LMO3: variants seen among roughly 807,000 people sequenced by gnomAD.
The protein encoded by LMO3 is LIM domain only 3, also known as LIM domain only protein 3.
LMO3 carries 2 observed loss-of-function variants against 15.8 expected under a neutral mutation model. The observed-to-expected ratio is 0.13, with a 90% CI of 0.05 to 0.40. The LOEUF is 0.40. Ranked by LOEUF, LMO3 falls within the 10% of genes least tolerant of loss-of-function variation. The pLI is 0.99. For missense variants in LMO3, 86 were observed against 182.2 expected, an observed-to-expected ratio of 0.47 and a Z score of 3.04; for synonymous variants, 62 against 63.8, an observed-to-expected ratio of 0.97 and a Z score of 0.13.
chr12:16,609,521 G>T (rs1312220934), upstream of LMO3, among the ~76,000 whole-genome samples: 3 of 152,018 alleles, frequency 2.0e-5, no homozygotes, highest in South Asian at 6.2e-4. Flanking sequence ...CCTTTTGCCT[G>T]TGCCCTCTTT....
rs1943276911 is a variant in LMO3, at chr12:16,585,128, T to C, written c.206+15527A>G. Among the ~76,000 whole-genome samples the C allele has an allele frequency of 6.6e-6, 1 of 152,110 alleles. No individual in the cohort carries two copies. The highest frequency in any genetic ancestry group is 1.5e-5 in the Non-Finnish European group (1 of 68,034). On this transcript the variant is annotated intron_variant, in intron 2 of 3. Coordinates refer to ENST00000537304, the MANE Select transcript of LMO3 (RefSeq NM_018640.5). This position sits in a 1 kb window ranked among gnomAD's most constrained non-coding sequence, Gnocchi z 4.7. The stretch of plus-strand genomic sequence containing the variant: ...AGTGTGCTGGAATTAAGTCATGGCT[T>C]CCCCCTTTGGGTGGCGCATGCAAGC...
chr12:16,600,964 G>C (rs546723057), intron 1 of LMO3, 96 bp from the exon 2 acceptor site: 4 of 930,236 alleles, frequency 4.3e-6, no homozygotes, highest in Admixed American at 2.7e-5. Context: ...CTTATTCTAG[G>C]AGTGTTAGCT....
chr12:16,581,891 A>G (rs1208818560), intron 2 of LMO3, among the ~76,000 whole-genome samples: 1 of 152,060 alleles, frequency 6.6e-6, no homozygotes, highest in African/African-American at 2.4e-5. Flanking sequence ...TTACTTTTTT[A>G]TTTAGCTGCT....
chr12:16,578,522 TA>T (rs1218017654), intron 2 of LMO3, among the ~76,000 whole-genome samples: 1 of 151,954 alleles, frequency 6.6e-6, no homozygotes, highest in African/African-American at 2.4e-5. Context: ...AGTATTAAAA[TA>T]AAAATCACAT....
At chr12:16,594,196 G>A in intron 2 of LMO3, 2 of 1,532,742 alleles carry the variant, frequency 1.3e-6, no homozygotes, top group Non-Finnish European at 1.7e-6. Context: ...GCCATTCTAA[G>A]GTTACACAGA....
At chr12:16,575,137 AAACTT>A (rs1249111504) in intron 2 of LMO3, among the ~76,000 whole-genome samples, 3 of 152,238 alleles carry the variant, frequency 2.0e-5, no homozygotes, top group African/African-American at 4.8e-5. Context: ...GTTATAATCT[AAACTT>A]AACATTATGA....
intron 2 of LMO3, among the ~76,000 whole-genome samples, chr12:16,580,093 C>A (rs886785628): frequency 8.5e-5 from 13 of 152,148 alleles, no homozygotes; most frequent in Non-Finnish European, 1.0e-4. Context: ...AATATGATAT[C>A]ATTTATCATG....
chr12:16,601,432 A>C (rs542557108), intron 1 of LMO3, among the ~76,000 whole-genome samples: 1 of 152,162 alleles, frequency 6.6e-6, no homozygotes, highest in African/African-American at 2.4e-5. Context: ...CACCAATCCT[A>C]TATTTCTTGC....
Position 16,560,501 on chromosome 12 carries a change from T to G in LMO3, c.244A>C (p.Lys82Gln), listed in dbSNP as rs1942361121. Reference sequence around the variant, plus strand: ...ACCATCTCAAAGGCAGGGATGAGCTTACTACAGGCAGCGCAGTTTCCCGTT... The same window carrying G: ...ACCATCTCAAAGGCAGGGATGAGCTGACTACAGGCAGCGCAGTTTCCCGTT... ...GVTGNCAACS[K>Q]LIPAFEMVMR... The change falls in exon 3 of 4, where the codon AAG becomes CAG. Residue 82 changes from lysine (K) to glutamine (Q), a missense_variant. Lys to Gln is a moderately conservative substitution (Grantham distance 53). Around this residue, in one of 3 missense-constraint regions of LMO3, gnomAD observed 51 missense variants for 140.3 expected, o/e 0.36. Coordinates refer to ENST00000537304, the MANE Select transcript of LMO3 (RefSeq NM_018640.5). This position sits in a 1 kb window ranked among gnomAD's most constrained non-coding sequence, Gnocchi z 5.0. The G allele has an allele frequency of 7.4e-6, 12 of 1,613,738 alleles. No homozygotes were observed. The highest frequency in any genetic ancestry group is 8.5e-6 in the Non-Finnish European group (10 of 1,179,878).
intron 2 of LMO3, among the ~76,000 whole-genome samples, chr12:16,595,815 T>C (rs1943635147): frequency 6.6e-6 from 1 of 151,462 alleles, no homozygotes; most frequent in East Asian, 1.9e-4. Flanking sequence ...AAAGCTTATT[T>C]GTAGAGTTCC....
At position 16,584,588 on chromosome 12, in the gene LMO3, G is replaced by A. The variant is rs537273418; in HGVS notation, c.206+16067C>T. On this transcript the variant is annotated intron_variant, in intron 2 of 3. Transcript: ENST00000537304. This position sits in a 1 kb window ranked among gnomAD's most constrained non-coding sequence, Gnocchi z 5.2. ...TTAACATTGGCAAGTGGAGGAGTGG[G>A]GGGGGTAAGAGGCCTGTTTAGAGGT... is the stretch of plus-strand genomic sequence containing the variant. 6.6e-6 allele frequency among the ~76,000 whole-genome samples: 1 copy of A among 152,146 alleles called. No homozygotes were observed. The highest frequency in any genetic ancestry group is 2.1e-4 in the South Asian group (1 of 4,820).
rs188481152 is a variant in LMO3, at chr12:16,548,547, C to A, written c.*2675G>T. 6.6e-6 allele frequency: 1 copy of A among 152,072 alleles called. No homozygotes were observed. Among genetic ancestry groups the A allele is most frequent in the African/African-American group, 2.4e-5 (1 of 41,398 alleles). The allele number at this position is 152,072 out of a possible 1,614,324, so 9.4% of individuals were successfully genotyped here. ...GGTCCTTCATCATAGGCAGCCTATG[C>A]GAGATGCATCTTAGGAAGGGAGCTT... On this transcript the variant is annotated 3_prime_UTR_variant, in exon 4 of 4. Coordinates refer to ENST00000537304, the MANE Select transcript of LMO3 (RefSeq NM_018640.5). The surrounding 1 kb of genome is among the most constrained non-coding windows in gnomAD (Gnocchi z 4.2).
rs958894256 is a variant in LMO3, at chr12:16,584,532, G to A, written c.206+16123C>T. Among the ~76,000 whole-genome samples, 6 of 152,076 alleles carry A rather than the reference G, an allele frequency of 3.9e-5. No homozygotes were observed. Among genetic ancestry groups the A allele is most frequent in the African/African-American group, 1.4e-4 (6 of 41,388 alleles). ...AACAGCAGAAATATACAGAGAATGA[G>A]GAAAGGAATGGAAACAAGAGACGTT... On this transcript the variant is annotated intron_variant, in intron 2 of 3. Coordinates refer to ENST00000537304, the MANE Select transcript of LMO3 (RefSeq NM_018640.5). This position sits in a 1 kb window ranked among gnomAD's most constrained non-coding sequence, Gnocchi z 5.2.
Position 16,551,024 on chromosome 12 carries a change from T to C in LMO3, c.*198A>G. 1 of 491,156 alleles carries C rather than the reference T, an allele frequency of 2.0e-6. No individual in the cohort carries two copies. Among genetic ancestry groups the C allele is most frequent in the Non-Finnish European group, 3.7e-6 (1 of 273,910 alleles). 30.4% of individuals were successfully genotyped at this position (491,156 alleles called of 1,614,324 possible). A position where few individuals can be genotyped will look rare whatever the true frequency, so the allele number is the denominator to read the frequency against. On this transcript the variant is annotated 3_prime_UTR_variant, in exon 4 of 4. Coordinates refer to ENST00000537304, the MANE Select transcript of LMO3 (RefSeq NM_018640.5). ...GCCATATGTACATTACTTTTTTCTT[T>C]AATAATAAACATTCAACTCTGAACT...
At chr12:16,600,541 C>G in intron 2 of LMO3, 114 bp downstream of exon 2, 1 of 878,994 alleles carries the variant, frequency 1.1e-6, no homozygotes, top group African/African-American at 1.7e-5. Flanking sequence ...CAGGTAACTT[C>G]TTTCAGGAAT....
In LMO3 at chr12:16,605,633, G is replaced by T; in HGVS notation, c.-9+433C>A. 3.3e-6 allele frequency: 3 copies of T among 895,598 alleles called. No homozygotes were observed. In the South Asian group the frequency reaches 5.1e-5, roughly 15 times the overall value. The allele number at this position is 895,598 out of a possible 1,614,324, so 55.5% of individuals were successfully genotyped here. A position where few individuals can be genotyped will look rare whatever the true frequency, so the allele number is the denominator to read the frequency against. On this transcript the variant is annotated intron_variant, in intron 1 of 3. Coordinates refer to ENST00000537304, the MANE Select transcript of LMO3 (RefSeq NM_018640.5). Reference sequence around the variant, plus strand: ...GGGGTCCGGAAACCCACCCAGGACTGAATTCTTTTCCTATGGGCTGGGAGC... The same window carrying T: ...GGGGTCCGGAAACCCACCCAGGACTTAATTCTTTTCCTATGGGCTGGGAGC...
chr12:16,569,456 T>C (rs1744587221), intron 2 of LMO3, among the ~76,000 whole-genome samples: 1 of 152,194 alleles, frequency 6.6e-6, no homozygotes, highest in South Asian at 2.1e-4. Context: ...AACATTATAC[T>C]TTCCCTTTCA....
rs539365391 is a variant in LMO3, at chr12:16,552,252, A to AT, written c.333-926dup. ...TCTGTATATATATTTAATTGTAACA[A>AT]TTTAACCTTCAAATAGTGGTGTCTG... On this transcript the variant is annotated intron_variant, in intron 3 of 3. Coordinates refer to ENST00000537304, the MANE Select transcript of LMO3 (RefSeq NM_018640.5). Among the ~76,000 whole-genome samples the AT allele has an allele frequency of 7.2e-5, 11 of 152,170 alleles. No homozygotes were observed. In the South Asian group the frequency reaches 2.3e-3, roughly 31 times the overall value.
intron 3 of LMO3, among the ~76,000 whole-genome samples, chr12:16,558,979 T>C (rs1168284434): frequency 6.6e-6 from 1 of 152,146 alleles, no homozygotes; most frequent in Non-Finnish European, 1.5e-5. Flanking sequence ...ACAGCTAATA[T>C]ATCAGCTAAT....
Sources: gnomAD v4.1 joint callset for allele counts (sites outside exome capture counted in the v4.1 genomes callset) on GRCh38, gnomAD v4.1.1 for gene constraint, gnomAD v4.1.1 regional missense constraint, Gnocchi (gnomAD v3.1) non-coding constraint, MANE v1.5 for transcripts, NCBI Gene and HGNC (gene_info 2026-07-23, HGNC 2026-07-21) for gene names.